EIPR1: variants seen among roughly 807,000 people sequenced by gnomAD.
EIPR1 encodes the protein EARP complex and GARP complex interacting protein 1.
EIPR1 carries 25 observed loss-of-function variants against 48.1 expected under a neutral mutation model. That is an observed-to-expected ratio of 0.52 (90% confidence interval 0.38 to 0.73). EIPR1 has a LOEUF of 0.73. Among genes scored for constraint, EIPR1 ranks in the 30% least tolerant of loss-of-function variants. EIPR1 has a pLI of 0.00. For synonymous variants in EIPR1, 204 were observed against 201.9 expected, an observed-to-expected ratio of 1.01 and a Z score of -0.09; for missense variants, 415 against 506.2, an observed-to-expected ratio of 0.82 and a Z score of 1.73.
intron 1 of EIPR1, among the ~76,000 whole-genome samples, chr2:3,365,911 A>T (rs549623358): frequency 1.8e-4 from 25 of 142,478 alleles, no homozygotes; most frequent in Non-Finnish European, 3.0e-4. Flanking sequence ...CCGATTTCTC[A>T]GGTGGGGGAG....
intron 3 of EIPR1, among the ~76,000 whole-genome samples, chr2:3,260,320 G>A (rs768587485): frequency 1.5e-4 from 23 of 152,102 alleles, no homozygotes; most frequent in Non-Finnish European, 2.4e-4. Flanking sequence ...GTGAAACCCC[G>A]TCTCTACTAA....
intron 4 of EIPR1, among the ~76,000 whole-genome samples, chr2:3,237,628 C>T (rs530158705): frequency 2.0e-5 from 3 of 152,208 alleles, no homozygotes; most frequent in African/African-American, 7.2e-5. Context: ...ACATGGAACG[C>T]GCTAAGAGGA....
intron 3 of EIPR1, among the ~76,000 whole-genome samples, chr2:3,291,151 G>T (rs941948944): frequency 6.6e-6 from 1 of 152,206 alleles, no homozygotes; most frequent in Non-Finnish European, 1.5e-5. Flanking sequence ...ATGCCTGGGG[G>T]TGGGGCGAGA....
At chr2:3,294,029 A>G (rs772706707) in intron 3 of EIPR1, among the ~76,000 whole-genome samples, 1 of 152,130 alleles carries the variant, frequency 6.6e-6, no homozygotes, top group African/African-American at 2.4e-5. Context: ...AGTGCAAATA[A>G]TGTTTTCATT....
intron 1 of EIPR1, among the ~76,000 whole-genome samples, chr2:3,367,868 G>A (rs1225094942): frequency 1.3e-5 from 2 of 151,952 alleles, no homozygotes; most frequent in African/African-American, 4.8e-5. Flanking sequence ...CTAACACCCT[G>A]AAACCCCCTC....
chr2:3,251,313 G>C (rs1209909057), intron 4 of EIPR1, among the ~76,000 whole-genome samples: 1 of 152,194 alleles, frequency 6.6e-6, no homozygotes, highest in African/African-American at 2.4e-5. Context: ...AAGGGAGGGT[G>C]GGAAGAGGGT....
At chr2:3,230,610 A>G (rs539213439) in intron 4 of EIPR1, among the ~76,000 whole-genome samples, 1 of 152,316 alleles carries the variant, frequency 6.6e-6, no homozygotes, top group Non-Finnish European at 1.5e-5. Flanking sequence ...TGAAGAGACT[A>G]TCTTTTTCCC....
intron 1 of EIPR1, among the ~76,000 whole-genome samples, chr2:3,376,501 G>T (rs1397585361): frequency 6.6e-6 from 1 of 152,154 alleles, no homozygotes; most frequent in African/African-American, 2.4e-5. Flanking sequence ...AACCAGCCAG[G>T]CCAAGATGGT....
chr2:3,204,941 C>T (rs903337836), intron 5 of EIPR1, among the ~76,000 whole-genome samples: 2 of 152,050 alleles, frequency 1.3e-5, no homozygotes, highest in African/African-American at 4.8e-5. Flanking sequence ...GCAGACCCTA[C>T]TACTTGCAGG....
At position 3,288,187 on chromosome 2, in the gene EIPR1, G is replaced by C. The variant is rs1668265143; in HGVS notation, c.260-30732C>G. ...TGGGGCCTTGGCACATGCTTGTCCT[G>C]CCACCCTTCAGATGCTGCTCTGGAA... On this transcript the variant is annotated intron_variant, in intron 3 of 8. Coordinates refer to ENST00000382125, the MANE Select transcript of EIPR1 (RefSeq NM_003310.5). Among the ~76,000 whole-genome samples the C allele has an allele frequency of 3.9e-5, 6 of 152,308 alleles. 2 individuals carry two copies. In the South Asian group the frequency reaches 1.2e-3, roughly 32 times the overall value.
intron 5 of EIPR1, among the ~76,000 whole-genome samples, chr2:3,209,819 C>G (rs532521780): frequency 6.6e-6 from 1 of 152,266 alleles, no homozygotes; most frequent in East Asian, 1.9e-4. Context: ...CTGGAAAAAG[C>G]AAAACAATGG....
At chr2:3,320,166 C>T (rs1457760180) in intron 3 of EIPR1, 5 of 184,106 alleles carry the variant, frequency 2.7e-5, no homozygotes, top group South Asian at 2.3e-4. Context: ...CAGGCAACAC[C>T]GCACCTATGG....
intron 3 of EIPR1, among the ~76,000 whole-genome samples, chr2:3,279,659 T>C (rs1667959917): frequency 6.6e-6 from 1 of 151,814 alleles, no homozygotes. Flanking sequence ...CAGAAGCGAG[T>C]TTAAAGAAGG....
chr2:3,195,286 C>T (rs7566188), intron 6 of EIPR1, among the ~76,000 whole-genome samples: 130,659 of 152,250 alleles, frequency 0.86, 56,614 homozygotes, highest in Middle Eastern at 0.91. Flanking sequence ...CCAGCACTGC[C>T]GTGGGCGGGA....
At chr2:3,330,181 T>G (rs985203100) in intron 3 of EIPR1, among the ~76,000 whole-genome samples, 2 of 152,214 alleles carry the variant, frequency 1.3e-5, no homozygotes, top group Non-Finnish European at 2.9e-5. Context: ...TGCTCTGGAG[T>G]GACCACCACT....
chr2:3,356,863 C>T (rs1253826437), intron 1 of EIPR1, among the ~76,000 whole-genome samples: 1 of 152,214 alleles, frequency 6.6e-6, no homozygotes, highest in Non-Finnish European at 1.5e-5. Flanking sequence ...GAAAGGAAAA[C>T]GCTAATTTTC....
At chr2:3,371,619 T>C (rs1430350537) in intron 1 of EIPR1, among the ~76,000 whole-genome samples, 1 of 151,988 alleles carries the variant, frequency 6.6e-6, no homozygotes, top group Non-Finnish European at 1.5e-5. Context: ...CCAACAAAGA[T>C]CAAAAGAGAC....
intron 4 of EIPR1, among the ~76,000 whole-genome samples, chr2:3,253,229 A>G (rs1376805413): frequency 2.0e-5 from 3 of 152,184 alleles, no homozygotes; most frequent in African/African-American, 7.2e-5. Context: ...GTTTAAATTT[A>G]CCTACAGTCT....
chr2:3,303,073 TGTG>T (rs1558284973), intron 3 of EIPR1, among the ~76,000 whole-genome samples: 1 of 152,200 alleles, frequency 6.6e-6, no homozygotes, highest in Non-Finnish European at 1.5e-5. Context: ...TGCACTCAGT[TGTG>T]GTGACAGCCA....
Sources: gnomAD v4.1 joint callset for allele counts (sites outside exome capture counted in the v4.1 genomes callset) on GRCh38, gnomAD v4.1.1 for gene constraint, MANE v1.5 for transcripts, NCBI Gene and HGNC (gene_info 2026-07-23, HGNC 2026-07-21) for gene names.